The following MGST2 variants were observed in gnomAD, a reference collection of about 807,000 sequenced individuals.
The protein encoded by MGST2 is glutathione peroxidase MGST2.
In MGST2, 9 loss-of-function variants were observed where a neutral mutation model predicts 16.6. The observed-to-expected ratio is 0.54, with a 90% CI of 0.33 to 0.95. MGST2 has a LOEUF of 0.95. MGST2 is among the 40% of genes least tolerant of loss of function. The probability of loss-of-function intolerance (pLI) is 0.03; values close to 1 mark genes in which losing one functional copy is unlikely to be tolerated. For missense variants in MGST2, 159 were observed against 175.1 expected (o/e 0.91, Z 0.52); for synonymous variants, 79 against 68.0 (o/e 1.16, Z -0.79).
chr4:139,741,964 C>T (rs577487092), downstream of MGST2, among the ~76,000 whole-genome samples: 1 of 152,168 alleles, frequency 6.6e-6, no homozygotes, highest in South Asian at 2.1e-4. Context: ...CAGGTATTTT[C>T]TTAACCTTGA....
intron 3 of MGST2, among the ~76,000 whole-genome samples, chr4:139,700,656 C>T (rs1427448952): frequency 2.6e-5 from 4 of 152,188 alleles, no homozygotes; most frequent in African/African-American, 2.4e-5. Flanking sequence ...TACCAACAAC[C>T]CATGCACCTT....
intron 1 of MGST2, among the ~76,000 whole-genome samples, chr4:139,677,249 T>G (rs1731009419): frequency 6.6e-6 from 1 of 152,214 alleles, no homozygotes; most frequent in African/African-American, 2.4e-5. Context: ...GACATGCCCG[T>G]GACATAGCCT....
downstream of MGST2, chr4:139,704,390 C>T (rs182602749): frequency 4.7e-5 from 24 of 515,026 alleles, no homozygotes; most frequent in Middle Eastern, 5.7e-4. Flanking sequence ...AAGTCATGAC[C>T]GGTTGTGTAG....
the MGST2 span, among the ~76,000 whole-genome samples, chr4:139,748,570 C>T: frequency 6.6e-6 from 1 of 152,106 alleles, no homozygotes; most frequent in Non-Finnish European, 1.5e-5. Flanking sequence ...TGAGAAGAGG[C>T]CAAGAACAGA....
chr4:139,695,941 A>G (rs187581831), intron 3 of MGST2, among the ~76,000 whole-genome samples: 71 of 152,312 alleles, frequency 4.7e-4, no homozygotes, highest in African/African-American at 1.7e-3. Context: ...AAACTTGACT[A>G]CTGATATCCT....
At chr4:139,743,030 AC>A (rs1022875528), downstream of MGST2, among the ~76,000 whole-genome samples, 3 of 151,432 alleles carry the variant, frequency 2.0e-5, no homozygotes, top group Admixed American at 1.3e-4. Context: ...GCCCACTACC[AC>A]CCCCTCATTT....
intron 3 of MGST2, chr4:139,698,354 G>A: frequency 1.2e-6 from 2 of 1,602,482 alleles, no homozygotes; most frequent in Non-Finnish European, 1.7e-6. Context: ...GACGCTGGAA[G>A]GGAAGTTTGC....
At chr4:139,691,362 T>C (rs1726569277) in intron 2 of MGST2, among the ~76,000 whole-genome samples, 2 of 152,350 alleles carry the variant, frequency 1.3e-5, no homozygotes, top group South Asian at 4.1e-4. Flanking sequence ...TTCATGTCAA[T>C]GAAACTGTAA....
intron 2 of MGST2, among the ~76,000 whole-genome samples, chr4:139,692,191 A>C (rs1252633965): frequency 6.6e-6 from 1 of 152,220 alleles, no homozygotes; most frequent in South Asian, 2.1e-4. Flanking sequence ...TTTCTTGAGA[A>C]AGAAAGGTAC....
At chr4:139,741,301 T>C (rs1729158108), downstream of MGST2, among the ~76,000 whole-genome samples, 1 of 152,178 alleles carries the variant, frequency 6.6e-6, no homozygotes, top group Non-Finnish European at 1.5e-5. Flanking sequence ...TGAGGGCCTA[T>C]GGGGGATCAG....
chr4:139,746,920 C>G, the MGST2 span, among the ~76,000 whole-genome samples: 3 of 152,084 alleles, frequency 2.0e-5, no homozygotes, highest in South Asian at 6.2e-4. Context: ...GTCTGCTGTC[C>G]TGGACTAGGC....
intron 5 of MGST2, among the ~76,000 whole-genome samples, chr4:139,714,096 G>A (rs879617130): frequency 2.0e-5 from 3 of 152,210 alleles, no homozygotes; most frequent in Non-Finnish European, 4.4e-5. Flanking sequence ...ACAAGGTGGA[G>A]ATTTCATCCA....
At chr4:139,748,049 C>T in the MGST2 span, among the ~76,000 whole-genome samples, 4 of 69,048 alleles carry the variant, frequency 5.8e-5, no homozygotes, top group African/African-American at 1.7e-4. Flanking sequence ...AGCAAGACTT[C>T]GTCTAAAAAA....
intron 5 of MGST2, among the ~76,000 whole-genome samples, chr4:139,725,145 T>C (rs1027878055): frequency 6.6e-6 from 1 of 152,196 alleles, no homozygotes; most frequent in Admixed American, 6.5e-5. Context: ...TGACATACAG[T>C]GCGCCCACTG....
Position 139,719,550 on chromosome 4 carries a change from G to A in MGST2, c.*48+15354G>A, listed in dbSNP as rs4863506. ...CTGGGTATCTGCTGCTGTGCTGGGG[G>A]CTGGCTGAACGCTGGCATGCCTGGG... On this transcript the variant is annotated intron_variant, in intron 5 of 5. Transcript: ENST00000616265. 6,112 of 1,613,760 alleles carry A rather than the reference G, an allele frequency of 3.8e-3. 76 individuals carry two copies. The highest frequency in any genetic ancestry group is 0.028 in the African/African-American group (2,075 of 75,072).
At position 139,695,194 on chromosome 4, in the gene MGST2, C is replaced by T. The variant is rs1486708690; in HGVS notation, c.159-3C>T. The T allele has an allele frequency of 6.2e-7, 1 of 1,607,904 alleles. No individual in the cohort carries two copies. Among genetic ancestry groups the T allele is most frequent in the South Asian group, 1.1e-5 (1 of 90,936 alleles). The stretch of plus-strand genomic sequence containing the variant: ...TAACCTATGTCTTTATTTTTTTCTG[C>T]AGACAAAACTGTGTGGAGTTTTATC... On this transcript the variant is annotated splice_region_variant and splice_polypyrimidine_tract_variant and intron_variant, in intron 2 of 4. Coordinates refer to ENST00000265498, the MANE Select transcript of MGST2 (RefSeq NM_002413.5).
the MGST2 span, among the ~76,000 whole-genome samples, chr4:139,753,338 T>A: frequency 8.0e-6 from 1 of 124,674 alleles, no homozygotes; most frequent in Non-Finnish European, 1.7e-5. Flanking sequence ...TTCTTTTCTT[T>A]TTAATCTATC....
chr4:139,678,664 C>T (rs1478128082), intron 2 of MGST2, 22 bp downstream of exon 2: 5 of 1,550,148 alleles, frequency 3.2e-6, no homozygotes, highest in Non-Finnish European at 4.5e-6. Context: ...TTCTTCCACC[C>T]TTCATGGATC....
the MGST2 span, among the ~76,000 whole-genome samples, chr4:139,746,517 T>C: frequency 1.3e-5 from 2 of 152,186 alleles, no homozygotes; most frequent in African/African-American, 4.8e-5. Context: ...AAATTACCAC[T>C]GGGCTCTGGA....
Sources: gnomAD v4.1 joint callset for allele counts (sites outside exome capture counted in the v4.1 genomes callset) on GRCh38, gnomAD v4.1.1 for gene constraint, MANE v1.5 for transcripts, NCBI Gene and HGNC (gene_info 2026-07-23, HGNC 2026-07-21) for gene names.